The following UBE2E2 variants were observed in gnomAD, a reference collection of about 807,000 sequenced individuals.
The protein encoded by UBE2E2 is ubiquitin-conjugating enzyme E2 E2.
UBE2E2 carries 6 observed loss-of-function variants against 24.7 expected under a neutral mutation model. The observed-to-expected ratio is 0.24, with a 90% CI of 0.13 to 0.48. The LOEUF (loss-of-function observed/expected upper bound fraction) is 0.48. Among genes scored for constraint, UBE2E2 ranks in the 20% least tolerant of loss-of-function variants. UBE2E2 has a pLI of 0.99. For synonymous variants in UBE2E2, 104 were observed against 83.6 expected (o/e 1.24, Z -1.33); for missense variants, 169 against 245.0 (o/e 0.69, Z 2.07).
At chr3:23,586,861 A>C (rs1043924426) in intron 5 of UBE2E2, among the ~76,000 whole-genome samples, 1 of 152,070 alleles carries the variant, frequency 6.6e-6, no homozygotes, top group East Asian at 1.9e-4. Context: ...TATAAAAATC[A>C]TAGTTATTTT....
At chr3:23,520,903 A>G (rs1033342402) in intron 4 of UBE2E2, among the ~76,000 whole-genome samples, 1 of 152,014 alleles carries the variant, frequency 6.6e-6, no homozygotes, top group African/African-American at 2.4e-5. Context: ...TCAGCCTCCC[A>G]AAGTGTTGGG....
At chr3:23,419,906 T>C (rs567594023) in intron 3 of UBE2E2, among the ~76,000 whole-genome samples, 9 of 152,114 alleles carry the variant, frequency 5.9e-5, no homozygotes, top group African/African-American at 1.9e-4. Context: ...AGTCCAAGGG[T>C]CTTCTGCCTC....
intron 3 of UBE2E2, among the ~76,000 whole-genome samples, chr3:23,414,485 A>G (rs1692651): frequency 0.66 from 100,263 of 152,072 alleles, 34,826 homozygotes; most frequent in African/African-American, 0.89. Flanking sequence ...TCGAGTCACC[A>G]CCTACCAGGC....
intron 3 of UBE2E2, among the ~76,000 whole-genome samples, chr3:23,387,020 C>G (rs1696818629): frequency 6.6e-6 from 1 of 152,152 alleles, no homozygotes; most frequent in Non-Finnish European, 1.5e-5. Context: ...TGAAAAGTAC[C>G]TATAAAGGAT....
chr3:23,553,645 G>A (rs60722251), intron 5 of UBE2E2, among the ~76,000 whole-genome samples: 143 of 152,164 alleles, frequency 9.4e-4, no homozygotes, highest in African/African-American at 3.0e-3. Flanking sequence ...TTGTAGACAT[G>A]AGGAGGCTTT....
chr3:23,346,126 A>C (rs1695548046), intron 3 of UBE2E2, among the ~76,000 whole-genome samples: 1 of 152,182 alleles, frequency 6.6e-6, no homozygotes, highest in Non-Finnish European at 1.5e-5. Context: ...GGCAATTTCT[A>C]AGATTGTGTT....
chr3:23,300,863 A>G (rs947494161), intron 3 of UBE2E2, among the ~76,000 whole-genome samples: 3 of 152,108 alleles, frequency 2.0e-5, no homozygotes, highest in East Asian at 1.9e-4. Flanking sequence ...CTCCTGGATA[A>G]TATCCTGTAG....
At chr3:23,420,998 C>T (rs777960416) in intron 3 of UBE2E2, among the ~76,000 whole-genome samples, 10 of 152,054 alleles carry the variant, frequency 6.6e-5, no homozygotes, top group Non-Finnish European at 1.2e-4. Flanking sequence ...ATCATAAAAA[C>T]GAAAGTTATA....
At chr3:23,305,195 A>T (rs1559341276) in intron 3 of UBE2E2, among the ~76,000 whole-genome samples, 1 of 152,242 alleles carries the variant, frequency 6.6e-6, no homozygotes, top group Non-Finnish European at 1.5e-5. Context: ...TATTTTCAGA[A>T]GTATCAGCTG....
chr3:23,559,931 C>G (rs1005195485), intron 5 of UBE2E2, among the ~76,000 whole-genome samples: 2 of 152,008 alleles, frequency 1.3e-5, no homozygotes, highest in Non-Finnish European at 2.9e-5. Context: ...AAAAATATAC[C>G]TCATGCACAT....
intron 3 of UBE2E2, among the ~76,000 whole-genome samples, chr3:23,274,733 T>C (rs1698338696): frequency 1.3e-5 from 2 of 152,162 alleles, no homozygotes. Context: ...CCTAGAATTC[T>C]TTGGTTTTTA....
intron 3 of UBE2E2, among the ~76,000 whole-genome samples, chr3:23,489,620 A>G (rs1039726436): frequency 3.9e-5 from 6 of 152,220 alleles, no homozygotes; most frequent in African/African-American, 1.4e-4. Flanking sequence ...TTGCCTGGTA[A>G]CAACAATAGT....
chr3:23,346,544 A>C (rs898366101), intron 3 of UBE2E2, among the ~76,000 whole-genome samples: 1 of 152,242 alleles, frequency 6.6e-6, no homozygotes, highest in African/African-American at 2.4e-5. Flanking sequence ...ACAAAAATTC[A>C]TAATTATAAA....
intron 3 of UBE2E2, among the ~76,000 whole-genome samples, chr3:23,395,285 C>G (rs566835774): frequency 7.9e-5 from 12 of 152,324 alleles, no homozygotes; most frequent in Admixed American, 2.6e-4. Context: ...CGGATACCAA[C>G]TAGGTCGCTT....
In UBE2E2 at chr3:23,244,869, G is replaced by T. The variant is rs149258821; in HGVS notation, c.227+27557G>T. 1.9e-4 allele frequency among the ~76,000 whole-genome samples: 29 copies of T among 152,176 alleles called. No homozygotes were observed. The East Asian group carries it at 5.6e-3, about 29-fold the overall frequency. ...TAGGTAAGACTCCAAGGTACAAATT[G>T]TATTACTGCTGAATCAGATCTGAAG... On this transcript the variant is annotated intron_variant, in intron 3 of 5. Coordinates refer to ENST00000396703, the MANE Select transcript of UBE2E2 (RefSeq NM_152653.4).
chr3:23,460,165 A>G (rs1012939049), intron 3 of UBE2E2, among the ~76,000 whole-genome samples: 7 of 152,208 alleles, frequency 4.6e-5, no homozygotes, highest in African/African-American at 1.7e-4. Context: ...CCTTGAGCCA[A>G]TGAGCTGCCC....
rs551739267 is a variant in UBE2E2 at position 23,516,058 on chromosome 3, T to C, written c.360+16318T>C. On this transcript the variant is annotated intron_variant, in intron 4 of 5. Transcript: ENST00000396703. ...ACATCATTCCACTCCAAAAAAGATGTTGAAGTACATGTGCATGCTTTGAAA... is the reference window on the plus strand; with the variant it reads ...ACATCATTCCACTCCAAAAAAGATGCTGAAGTACATGTGCATGCTTTGAAA... 2.0e-5 allele frequency among the ~76,000 whole-genome samples: 3 copies of C among 152,312 alleles called. No individual in the cohort carries two copies. In the South Asian group the frequency reaches 6.2e-4, roughly 32 times the overall value.
chr3:23,414,027 ACT>A (rs1697560790), intron 3 of UBE2E2, among the ~76,000 whole-genome samples: 1 of 152,154 alleles, frequency 6.6e-6, no homozygotes, highest in African/African-American at 2.4e-5. Context: ...TTCCTTAGGA[ACT>A]CTTAATACAT....
chr3:23,523,466 T>G (rs1464369560), intron 4 of UBE2E2, among the ~76,000 whole-genome samples: 1 of 152,204 alleles, frequency 6.6e-6, no homozygotes, highest in Non-Finnish European at 1.5e-5. Flanking sequence ...AGCTAAAAGA[T>G]AGTAGTCTTA....
Sources: gnomAD v4.1 joint callset for allele counts (sites outside exome capture counted in the v4.1 genomes callset) on GRCh38, gnomAD v4.1.1 for gene constraint, MANE v1.5 for transcripts, NCBI Gene and HGNC (gene_info 2026-07-23, HGNC 2026-07-21) for gene names.